APBB1IP: variants seen among roughly 807,000 people sequenced by gnomAD.
APBB1IP encodes amyloid beta precursor protein binding family B member 1 interacting protein, also known as amyloid beta A4 precursor protein-binding family B member 1-interacting protein.
APBB1IP carries 27 observed loss-of-function variants against 64.9 expected under a neutral mutation model. The observed-to-expected ratio is 0.42, with a 90% CI of 0.31 to 0.57. The LOEUF (loss-of-function observed/expected upper bound fraction) is 0.57. APBB1IP is among the 20% of genes least tolerant of loss of function. APBB1IP has a pLI of 0.20. For missense variants in APBB1IP, 812 were observed against 845.5 expected (o/e 0.96, Z 0.49); for synonymous variants, 392 against 331.0 (o/e 1.18, Z -2.00).
At chr10:26,503,565 G>A (rs147647972) in intron 6 of APBB1IP, among the ~76,000 whole-genome samples, 3,130 of 152,248 alleles carry the variant, frequency 0.021, 116 homozygotes, top group African/African-American at 0.072. Context: ...AACCCAGGAG[G>A]TGGAGGTTGC....
chr10:26,494,929 C>T (rs888140641), intron 3 of APBB1IP, among the ~76,000 whole-genome samples: 2 of 151,958 alleles, frequency 1.3e-5, no homozygotes, highest in African/African-American at 4.8e-5. Context: ...GGATAAGATA[C>T]AAGACAGTTG....
At chr10:26,541,989 A>C (rs958717265) in intron 11 of APBB1IP, among the ~76,000 whole-genome samples, 1 of 152,204 alleles carries the variant, frequency 6.6e-6, no homozygotes, top group Non-Finnish European at 1.5e-5. Flanking sequence ...AAAAGTTTTC[A>C]GTTCTTATTG....
chr10:26,503,542 G>A (rs527301064), intron 6 of APBB1IP, among the ~76,000 whole-genome samples: 64 of 152,238 alleles, frequency 4.2e-4, no homozygotes, highest in African/African-American at 1.4e-3. Context: ...GGCTGAGGAA[G>A]GAGAATTGCT....
intron 6 of APBB1IP, chr10:26,509,842 C>T (rs920030971): frequency 6.6e-6 from 1 of 152,204 alleles, no homozygotes; most frequent in African/African-American, 2.4e-5. Context: ...CCGTTAAGCT[C>T]ATATGCTACA....
chr10:26,547,011 C>T (rs747297430), intron 11 of APBB1IP, among the ~76,000 whole-genome samples: 1 of 152,214 alleles, frequency 6.6e-6, no homozygotes, highest in Non-Finnish European at 1.5e-5. Flanking sequence ...TACATTTCTG[C>T]CAATGGTGCA....
intron 6 of APBB1IP, among the ~76,000 whole-genome samples, chr10:26,506,566 G>A (rs1836182141): frequency 6.6e-6 from 1 of 152,174 alleles, no homozygotes; most frequent in Admixed American, 6.5e-5. Flanking sequence ...GGTAAATTAA[G>A]GGAAAGAAGA....
chr10:26,511,957 G>A, intron 7 of APBB1IP, 51 bp downstream of exon 7: 1 of 1,593,228 alleles, frequency 6.3e-7, no homozygotes. Flanking sequence ...TTGTGGGTTT[G>A]CTGTATAATG....
intron 14 of APBB1IP, among the ~76,000 whole-genome samples, chr10:26,563,570 A>G (rs949954063): frequency 2.4e-4 from 36 of 152,204 alleles, no homozygotes; most frequent in African/African-American, 8.4e-4. Context: ...AATAATTATT[A>G]TTTAGTTACT....
At chr10:26,450,202 A>C (rs1001545787) in intron 2 of APBB1IP, among the ~76,000 whole-genome samples, 5 of 152,216 alleles carry the variant, frequency 3.3e-5, no homozygotes, top group African/African-American at 1.2e-4. Flanking sequence ...AAGGCTTATA[A>C]ATACTCAGCC....
chr10:26,551,304 T>G (rs1163914466), intron 11 of APBB1IP, among the ~76,000 whole-genome samples: 1 of 152,164 alleles, frequency 6.6e-6, no homozygotes, highest in South Asian at 2.1e-4. Flanking sequence ...AAGGACCCAG[T>G]GTGGTAAGAA....
In APBB1IP at chr10:26,500,815, C is replaced by A. The variant is rs761973391; in HGVS notation, c.161-4C>A. ...TATACCATTAATGTGATTTTCCCTA[C>A]TAGAGTCCTTAAATGCACTGGAAGA... On this transcript the variant is annotated splice_region_variant and splice_polypyrimidine_tract_variant and intron_variant, in intron 4 of 14. Coordinates refer to ENST00000376236, the MANE Select transcript of APBB1IP (RefSeq NM_019043.4). 1.2e-6 allele frequency: 2 copies of A among 1,610,420 alleles called. No individual in the cohort carries two copies. Among genetic ancestry groups the A allele is most frequent in the South Asian group, 1.1e-5 (1 of 90,944 alleles).
intron 10 of APBB1IP, among the ~76,000 whole-genome samples, chr10:26,537,896 T>C (rs1446162730): frequency 7.0e-6 from 1 of 143,100 alleles, no homozygotes; most frequent in East Asian, 2.0e-4. Flanking sequence ...ATCATGCCGC[T>C]GCACTCCAGC....
At chr10:26,527,911 C>T (rs1276464488) in intron 8 of APBB1IP, among the ~76,000 whole-genome samples, 7 of 151,970 alleles carry the variant, frequency 4.6e-5, no homozygotes, top group Admixed American at 1.3e-4. Context: ...AGGCTGGTCT[C>T]GAACTCCTGA....
chr10:26,508,489 A>T (rs1409861687), intron 6 of APBB1IP, among the ~76,000 whole-genome samples: 2 of 152,076 alleles, frequency 1.3e-5, no homozygotes, highest in Non-Finnish European at 2.9e-5. Flanking sequence ...AAGAAATTAT[A>T]AAAAATTATA....
At chr10:26,530,486 T>C (rs1218206643) in intron 8 of APBB1IP, among the ~76,000 whole-genome samples, 1 of 151,912 alleles carries the variant, frequency 6.6e-6, no homozygotes, top group Non-Finnish European at 1.5e-5. Context: ...GGTCAGGAGA[T>C]CGAGACCATC....
chr10:26,451,259 T>G (rs1041772251), intron 2 of APBB1IP, among the ~76,000 whole-genome samples: 1 of 152,170 alleles, frequency 6.6e-6, no homozygotes, highest in Non-Finnish European at 1.5e-5. Context: ...TTCGTTTTAC[T>G]TTAGTTTTTG....
At position 26,471,692 on chromosome 10, in the gene APBB1IP, G is replaced by GT. The variant is rs1044681911; in HGVS notation, c.1-20626dup. 4.9e-3 allele frequency among the ~76,000 whole-genome samples: 732 copies of GT among 150,272 alleles called. 5 individuals are homozygous for GT. Among genetic ancestry groups the GT allele is most frequent in the Middle Eastern group, 0.045 (13 of 292 alleles). Reference sequence around the variant, plus strand: ...GACCTGCACTGTTTAAGCTTTTTTTGTTTTTTTTTGTGAGACAGAGTCTTG... The same window carrying GT: ...GACCTGCACTGTTTAAGCTTTTTTTGTTTTTTTTTTGTGAGACAGAGTCTTG... On this transcript the variant is annotated intron_variant, in intron 2 of 14. Transcript: ENST00000376236.
At chr10:26,552,299 T>C (rs1836841447) in intron 11 of APBB1IP, among the ~76,000 whole-genome samples, 1 of 151,960 alleles carries the variant, frequency 6.6e-6, no homozygotes, top group South Asian at 2.1e-4. Flanking sequence ...ACTCTGTCTC[T>C]AAAGAAATGC....
At chr10:26,474,349 A>G (rs546765826) in intron 2 of APBB1IP, among the ~76,000 whole-genome samples, 3 of 152,296 alleles carry the variant, frequency 2.0e-5, no homozygotes, top group African/African-American at 7.2e-5. Context: ...CATTGCTTGG[A>G]ATCTTTAGCA....
Sources: gnomAD v4.1 joint callset for allele counts (sites outside exome capture counted in the v4.1 genomes callset) on GRCh38, gnomAD v4.1.1 for gene constraint, MANE v1.5 for transcripts, NCBI Gene and HGNC (gene_info 2026-07-23, HGNC 2026-07-21) for gene names.